The following PHTF2 variants were observed in gnomAD, a reference collection of about 807,000 sequenced individuals.
The protein encoded by PHTF2 is protein PHTF2.
PHTF2 carries 60 observed loss-of-function variants against 101.2 expected under a neutral mutation model. That is an observed-to-expected ratio of 0.59 (90% confidence interval 0.48 to 0.73). PHTF2 has a LOEUF of 0.73. PHTF2 is among the 30% of genes least tolerant of loss of function. The pLI is 0.00. For missense variants in PHTF2, 747 were observed against 908.7 expected, an observed-to-expected ratio of 0.82 and a Z score of 2.29; for synonymous variants, 311 against 307.3, an observed-to-expected ratio of 1.01 and a Z score of -0.13.
chr7:77,840,027 T>C (rs1435895544), intron 1 of PHTF2, 194 bp from the exon 2 acceptor site: 2 of 380,466 alleles, frequency 5.3e-6, no homozygotes, highest in Non-Finnish European at 9.4e-6. Flanking sequence ...TAGAACTTTC[T>C]ATTATTGTGG....
Position 77,922,656 on chromosome 7 carries a change from GAAGTC to G in PHTF2, c.998_1002del (p.Glu333ValfsTer3). 1 of 1,610,878 alleles carries G rather than the reference GAAGTC, an allele frequency of 6.2e-7. No individual in the cohort carries two copies. The highest frequency in any genetic ancestry group is 1.3e-5 in the African/African-American group (1 of 74,990). Reference sequence around the variant, plus strand: ...AAGGACAATAACAAATGTCTCTGATGAAGTCTCCAGTGAGGAAGGTCCTGAAACAG... The same window carrying G: ...AAGGACAATAACAAATGTCTCTGATGTCCAGTGAGGAAGGTCCTGAAACAG... On this transcript the variant is annotated frameshift_variant, in exon 11 of 20. Coordinates refer to ENST00000416283, the Ensembl canonical transcript of PHTF2. LOFTEE classifies it high-confidence loss of function.
chr7:77,841,075 C>CTGTTTTTTTTTTTTTTTTT (rs1795832088), intron 2 of PHTF2, among the ~76,000 whole-genome samples: 1 of 77,286 alleles, frequency 1.3e-5, no homozygotes, highest in African/African-American at 6.7e-5. Flanking sequence ...AAAAAACAGA[C>CTGTTTTTTTTTTTTTTTTT]TTTTTTTTTT....
intron 1 of PHTF2, among the ~76,000 whole-genome samples, chr7:77,837,911 A>G (rs1314928779): frequency 6.6e-6 from 1 of 152,160 alleles, no homozygotes; most frequent in East Asian, 1.9e-4. Context: ...TGAAATGTAT[A>G]TTATTTACAT....
intron 2 of PHTF2, among the ~76,000 whole-genome samples, chr7:77,848,531 CT>C (rs1414979385): frequency 6.6e-6 from 1 of 152,144 alleles, no homozygotes; most frequent in Non-Finnish European, 1.5e-5. Context: ...CTATTCAGAC[CT>C]TTTGCCCATT....
At chr7:77,924,267 GT>G in intron 11 of PHTF2, 1 of 407,892 alleles carries the variant, frequency 2.5e-6, no homozygotes, top group Non-Finnish European at 3.3e-6. Flanking sequence ...TGCTAGTAAT[GT>G]TTTTTCTTTA....
chr7:77,925,060 T>G (rs568705138), intron 11 of PHTF2, among the ~76,000 whole-genome samples: 1 of 152,304 alleles, frequency 6.6e-6, no homozygotes, highest in Non-Finnish European at 1.5e-5. Flanking sequence ...CAAATATTGT[T>G]CAATTTTTAC....
chr7:77,861,988 C>T (rs1186824459), intron 3 of PHTF2, among the ~76,000 whole-genome samples: 1 of 149,982 alleles, frequency 6.7e-6, no homozygotes, highest in East Asian at 2.0e-4. Flanking sequence ...ACCTGGAAAG[C>T]GGAGGTTGCA....
intron 3 of PHTF2, among the ~76,000 whole-genome samples, chr7:77,886,686 AC>A (rs1799878290): frequency 6.6e-6 from 1 of 152,162 alleles, no homozygotes; most frequent in South Asian, 2.1e-4. Flanking sequence ...AATCCAATAG[AC>A]CTGGGTTCGA....
chr7:77,910,188 G>A, intron 8 of PHTF2, 57 bp from the exon 8 acceptor site: 1 of 1,471,470 alleles, frequency 6.8e-7, no homozygotes, highest in Non-Finnish European at 9.3e-7. Flanking sequence ...GTACTACTGA[G>A]AAAGTGGTTA....
intron 12 of PHTF2, among the ~76,000 whole-genome samples, chr7:77,935,128 C>T (rs911051394): frequency 0.016 from 1,035 of 66,258 alleles, 14 homozygotes; most frequent in Non-Finnish European, 0.027. Context: ...ATTCCCCCCC[C>T]CCACACACAC....
At chr7:77,945,618 AAAAG>A (rs1359514030) in intron 16 of PHTF2, among the ~76,000 whole-genome samples, 1 of 152,184 alleles carries the variant, frequency 6.6e-6, no homozygotes, top group Non-Finnish European at 1.5e-5. Flanking sequence ...TACATTCTTT[AAAAG>A]AAAGAGCACA....
At chr7:77,800,793 G>A (rs569012217) in intron 1 of PHTF2, among the ~76,000 whole-genome samples, 1 of 152,314 alleles carries the variant, frequency 6.6e-6, no homozygotes, top group South Asian at 2.1e-4. Flanking sequence ...TTTTAGTCCT[G>A]TGAGATGGGT....
At chr7:77,915,692 G>A (rs1802847121) in intron 9 of PHTF2, among the ~76,000 whole-genome samples, 1 of 152,092 alleles carries the variant, frequency 6.6e-6, no homozygotes, top group Non-Finnish European at 1.5e-5. Context: ...ACCACTCTCG[G>A]GCCAGAGTTC....
At chr7:77,804,591 G>A (rs1445876327) in intron 1 of PHTF2, among the ~76,000 whole-genome samples, 1 of 152,218 alleles carries the variant, frequency 6.6e-6, no homozygotes, top group African/African-American at 2.4e-5. Context: ...CTCCCAAACT[G>A]CTGGGATTAC....
chr7:77,883,228 A>G (rs1258701079), intron 3 of PHTF2, among the ~76,000 whole-genome samples: 1 of 152,166 alleles, frequency 6.6e-6, no homozygotes, highest in African/African-American at 2.4e-5. Context: ...GTCTTAAAGA[A>G]TGTCAAAATA....
intron 5 of PHTF2, chr7:77,896,134 T>TTA (rs1348986198): frequency 1.3e-4 from 20 of 152,320 alleles, no homozygotes; most frequent in African/African-American, 4.6e-4. Flanking sequence ...AACCACTGAA[T>TTA]TATAGATTTT....
chr7:77,937,600 G>A, intron 12 of PHTF2, 110 bp from the exon 12 acceptor site: 1 of 366,086 alleles, frequency 2.7e-6, no homozygotes, highest in East Asian at 4.5e-5. Context: ...TTTATTTTTA[G>A]TGTCATTAAA....
rs1422795346 is a variant in PHTF2 at position 77,909,182 on chromosome 7, T to C, written c.611+224T>C. The C allele has an allele frequency of 2.1e-5, 8 of 381,432 alleles. No individual in the cohort carries two copies. The East Asian group carries it at 2.6e-4, about 12-fold the overall frequency. The allele number at this position is 381,432 out of a possible 1,614,324, so 23.6% of individuals were successfully genotyped here. On this transcript the variant is annotated intron_variant, in intron 8 of 19. Coordinates refer to ENST00000416283, the Ensembl canonical transcript of PHTF2. The stretch of plus-strand genomic sequence containing the variant: ...GTGTTTTTGTTTCTTTTTTTTTTTT[T>C]TCCTTGAAGCTCATTTATAGTCACC...
Position 77,940,257 on chromosome 7 carries a change from G to A in PHTF2, c.1695G>A (p.Trp565Ter). 1 of 1,613,476 alleles carries A rather than the reference G, an allele frequency of 6.2e-7. No homozygotes were observed. Among genetic ancestry groups the A allele is most frequent in the Admixed American group, 1.7e-5 (1 of 59,956 alleles). Residue 565 changes from tryptophan (W) to a stop codon, truncating the protein, a stop_gained, in exon 14 of 20, where the codon TGG becomes TGA. Transcript: ENST00000416283. LOFTEE classifies it high-confidence loss of function. ...TTGTGGTTCGCGTGTCTCTTGTGTG[G>A]ATTTTCTTTTTTTTGCTCTGTGTAG...
Sources: allele counts gnomAD v4.1 joint callset (sites outside exome capture counted in the v4.1 genomes callset), GRCh38; gene constraint gnomAD v4.1.1; transcripts MANE v1.5; gene names NCBI Gene and HGNC (gene_info 2026-07-23, HGNC 2026-07-21).